BMPR1B: variants seen among roughly 807,000 people sequenced by gnomAD.
BMPR1B encodes bone morphogenetic protein receptor type 1B, also known as bone morphogenetic protein receptor type-1B.
In BMPR1B, 12 loss-of-function variants were observed where a neutral mutation model predicts 59.1. The ratio of observed to expected loss-of-function variants is 0.20; its 90% CI spans 0.13 to 0.33. BMPR1B has a LOEUF of 0.33. Ranked by LOEUF, BMPR1B falls within the 10% of genes least tolerant of loss-of-function variation. The pLI is 1.00. For synonymous variants in BMPR1B, 237 were observed against 207.3 expected (o/e 1.14, Z -1.23); for missense variants, 550 against 610.9 (o/e 0.90, Z 1.05).
intron 1 of BMPR1B, among the ~76,000 whole-genome samples, chr4:94,762,219 T>TG (rs1472630698): frequency 6.6e-6 from 1 of 151,440 alleles, no homozygotes; most frequent in East Asian, 1.9e-4. Context: ...TTATACACTG[T>TG]GGGGACACTG....
At position 94,808,906 on chromosome 4, in the gene BMPR1B, T is replaced by C. The variant is rs529317008; in HGVS notation, c.-183+50838T>C. Among the ~76,000 whole-genome samples the C allele has an allele frequency of 3.5e-4, 53 of 152,132 alleles. No homozygotes were observed. In the East Asian group the frequency reaches 8.3e-3, roughly 24 times the overall value. On this transcript the variant is annotated intron_variant, in intron 1 of 12. Coordinates refer to ENST00000515059, the MANE Select transcript of BMPR1B (RefSeq NM_001203.3). ...TCCATCTCTACTAAAAATACAAAAA[T>C]TAGCCGGGTGTGGTGGGGGTTGCCT... is the stretch of plus-strand genomic sequence containing the variant.
chr4:94,989,043 T>C (rs1419210448), intron 2 of BMPR1B, among the ~76,000 whole-genome samples: 1 of 152,132 alleles, frequency 6.6e-6, no homozygotes, highest in East Asian at 1.9e-4. Context: ...GAAGAATGTC[T>C]CATTACATAA....
intron 1 of BMPR1B, among the ~76,000 whole-genome samples, chr4:94,815,151 C>T (rs531912669): frequency 4.6e-5 from 7 of 152,196 alleles, no homozygotes; most frequent in East Asian, 1.9e-4. Flanking sequence ...GTGATCCACC[C>T]GCCTCGGCCT....
chr4:94,854,049 G>A (rs2148949729), intron 1 of BMPR1B, among the ~76,000 whole-genome samples: 1 of 152,166 alleles, frequency 6.6e-6, no homozygotes, highest in East Asian at 1.9e-4. Context: ...ATCTGTAGTT[G>A]AAGGAAAGTA....
chr4:95,106,670 A>G (rs1731218059), intron 4 of BMPR1B, among the ~76,000 whole-genome samples: 1 of 152,060 alleles, frequency 6.6e-6, no homozygotes, highest in African/African-American at 2.4e-5. Context: ...GTATCTGAGT[A>G]GAGGTATCAG....
chr4:94,856,420 G>T (rs1012163861), intron 1 of BMPR1B, among the ~76,000 whole-genome samples: 1 of 152,174 alleles, frequency 6.6e-6, no homozygotes, highest in African/African-American at 2.4e-5. Flanking sequence ...ACCTGGGAGA[G>T]GGGGAGCAGC....
At chr4:95,118,061 G>A (rs1732201562) in intron 6 of BMPR1B, among the ~76,000 whole-genome samples, 1 of 152,116 alleles carries the variant, frequency 6.6e-6, no homozygotes, top group Non-Finnish European at 1.5e-5. Flanking sequence ...CTTTGGTGGG[G>A]TTTAGTAGCA....
At position 94,837,596 on chromosome 4, in the gene BMPR1B, G is replaced by C. The variant is rs1411103036; in HGVS notation, c.-182-38235G>C. Among the ~76,000 whole-genome samples the C allele has an allele frequency of 2.1e-5, 3 of 141,956 alleles. 1 individual carries two copies. The highest frequency in any genetic ancestry group is 8.0e-5 in the African/African-American group (3 of 37,620). 93.1% of individuals were successfully genotyped at this position (141,956 alleles called of 152,430 possible). A position where few individuals can be genotyped will look rare whatever the true frequency, so the allele number is the denominator to read the frequency against. Reference sequence around the variant, plus strand: ...GTGTATAAGAATGCTTGTGATTTTTGTACATTGATTTTGTATCCTGAGACT... The same window carrying C: ...GTGTATAAGAATGCTTGTGATTTTTCTACATTGATTTTGTATCCTGAGACT... On this transcript the variant is annotated intron_variant, in intron 1 of 12. Coordinates refer to ENST00000515059, the MANE Select transcript of BMPR1B (RefSeq NM_001203.3).
intron 1 of BMPR1B, among the ~76,000 whole-genome samples, chr4:94,818,870 G>A (rs1245226839): frequency 6.6e-6 from 1 of 152,136 alleles, no homozygotes; most frequent in Non-Finnish European, 1.5e-5. Context: ...GATGGCTCAT[G>A]CCTGTAATCT....
chr4:95,092,149 G>C (rs1210698604), intron 3 of BMPR1B, among the ~76,000 whole-genome samples: 1 of 152,084 alleles, frequency 6.6e-6, no homozygotes, highest in African/African-American at 2.4e-5. Flanking sequence ...AAGTATAAAT[G>C]TAATGATTTA....
chr4:95,023,802 A>G (rs1724161524), intron 3 of BMPR1B, among the ~76,000 whole-genome samples: 1 of 152,238 alleles, frequency 6.6e-6, no homozygotes, highest in Non-Finnish European at 1.5e-5. Context: ...ATGTATGTTA[A>G]TATATGCAAG....
chr4:94,825,142 G>A (rs1724337657), intron 1 of BMPR1B, among the ~76,000 whole-genome samples: 1 of 152,060 alleles, frequency 6.6e-6, no homozygotes, highest in African/African-American at 2.4e-5. Flanking sequence ...GGAGTTCATC[G>A]CTAGTCTCTG....
At chr4:94,827,414 A>T (rs1328883016) in intron 1 of BMPR1B, among the ~76,000 whole-genome samples, 1 of 152,148 alleles carries the variant, frequency 6.6e-6, no homozygotes, top group Non-Finnish European at 1.5e-5. Context: ...GTGTATATAA[A>T]CTTTATATAT....
intron 4 of BMPR1B, among the ~76,000 whole-genome samples, chr4:95,111,098 A>G (rs2149273261): frequency 6.6e-6 from 1 of 152,292 alleles, no homozygotes; most frequent in Admixed American, 6.6e-5. Context: ...TTCAAAAGAA[A>G]TTTAAGAGTT....
rs560710781 is a variant in BMPR1B at position 95,145,334 on chromosome 4, T to G, written c.1077-3414T>G. On this transcript the variant is annotated intron_variant, in intron 10 of 12. Transcript: ENST00000515059. ...ATTGTCTCTGAGTCTACAGCCCTTG[T>G]GCAGTATCTATCTTTTCTTGTCAAC... is the stretch of plus-strand genomic sequence containing the variant. Among the ~76,000 whole-genome samples the G allele has an allele frequency of 1.4e-3, 210 of 152,334 alleles. 1 individual carries two copies. The East Asian group carries it at 0.034, about 24-fold the overall frequency.
chr4:94,888,962 AATAC>A (rs1727288269), intron 2 of BMPR1B, among the ~76,000 whole-genome samples: 1 of 152,042 alleles, frequency 6.6e-6, no homozygotes, highest in African/African-American at 2.4e-5. Flanking sequence ...TAAAATTTGT[AATAC>A]ATAATATAAA....
chr4:95,135,348 C>G (rs1733692628), intron 10 of BMPR1B, among the ~76,000 whole-genome samples: 1 of 152,078 alleles, frequency 6.6e-6, no homozygotes, highest in Non-Finnish European at 1.5e-5. Flanking sequence ...AATGCGGGCT[C>G]TTTTTTGGTT....
chr4:94,953,501 A>G (rs1473258319), intron 2 of BMPR1B, among the ~76,000 whole-genome samples: 1 of 152,164 alleles, frequency 6.6e-6, no homozygotes, highest in African/African-American at 2.4e-5. Flanking sequence ...AAAGGATTTT[A>G]TTTCTCCTTC....
chr4:94,969,122 C>T (rs1311108302), intron 2 of BMPR1B, among the ~76,000 whole-genome samples: 2 of 152,062 alleles, frequency 1.3e-5, no homozygotes, highest in African/African-American at 2.4e-5. Context: ...GCAACCGCCA[C>T]CTCCTGGGTT....
Sources: gnomAD v4.1 joint callset for allele counts (sites outside exome capture counted in the v4.1 genomes callset) on GRCh38, gnomAD v4.1.1 for gene constraint, MANE v1.5 for transcripts, NCBI Gene and HGNC (gene_info 2026-07-23, HGNC 2026-07-21) for gene names.